The following PIWIL1 variants were observed in gnomAD, a reference collection of about 807,000 sequenced individuals.
PIWIL1 encodes the protein piwi-like protein 1.
Under a neutral mutation model 114.4 loss-of-function variants are expected in PIWIL1, and 73 were observed. The ratio of observed to expected loss-of-function variants is 0.64; its 90% CI spans 0.53 to 0.78. The LOEUF (loss-of-function observed/expected upper bound fraction) is 0.78, where lower values mean the gene tolerates loss of function less well. Among genes scored for constraint, PIWIL1 ranks in the 30% least tolerant of loss-of-function variants. The pLI is 0.00. For synonymous variants in PIWIL1, 375 were observed against 369.0 expected, an observed-to-expected ratio of 1.02 and a Z score of -0.19; for missense variants, 723 against 1,063.1, an observed-to-expected ratio of 0.68 and a Z score of 4.45.
the PIWIL1 span, chr12:130,383,501 T>C: frequency 6.6e-6 from 1 of 152,196 alleles, no homozygotes; most frequent in Non-Finnish European, 1.5e-5. Flanking sequence ...CTGACTTCCC[T>C]CTAATATAAT....
At chr12:130,377,279 G>A (rs560030630), downstream of PIWIL1, among the ~76,000 whole-genome samples, 2 of 152,272 alleles carry the variant, frequency 1.3e-5, no homozygotes, top group Admixed American at 6.5e-5. Flanking sequence ...AACTAGTGCC[G>A]CCCATAATTC....
chr12:130,363,666 G>A (rs1328627985), intron 18 of PIWIL1, among the ~76,000 whole-genome samples: 1 of 137,906 alleles, frequency 7.3e-6, no homozygotes, highest in Non-Finnish European at 1.5e-5. Context: ...TGCCCAGGCT[G>A]CAGTGCAGTG....
chr12:130,349,534 T>C (rs1360340351), intron 8 of PIWIL1, 98 bp downstream of exon 8: 23 of 820,582 alleles, frequency 2.8e-5, no homozygotes, highest in Non-Finnish European at 4.1e-5. Context: ...TAAAATTGAG[T>C]GGTGGGAATA....
the PIWIL1 span, among the ~76,000 whole-genome samples, chr12:130,402,412 G>C: frequency 1.4e-4 from 21 of 152,072 alleles, no homozygotes; most frequent in Non-Finnish European, 1.0e-4. Flanking sequence ...ATCATCTTGA[G>C]TCTGCCTTCC....
chr12:130,342,646 G>A lies in PIWIL1; in HGVS notation c.55G>A (p.Ala19Thr). 1 of 1,613,728 alleles carries A rather than the reference G, an allele frequency of 6.2e-7. No individual in the cohort carries two copies. The highest frequency in any genetic ancestry group is 8.5e-7 in the Non-Finnish European group (1 of 1,179,710). Residue 19 changes from alanine to threonine, a missense_variant, in exon 2 of 21, where the codon GCG (alanine) becomes ACG (threonine). Around this residue, in one of 8 missense-constraint regions of PIWIL1, gnomAD observed 91 missense variants for 76.2 expected, o/e 1.19. Coordinates refer to ENST00000245255, the MANE Select transcript of PIWIL1 (RefSeq NM_004764.5). ...AGGAAGGGCCCGCGGTCAGGAGACA[G>A]CGCAGCTGGTGGGCTCCACTGCCGT... ...ARGRARGQET[A>T]QLVGSTASQQ...
At chr12:130,352,936 C>T (rs567223407) in intron 9 of PIWIL1, among the ~76,000 whole-genome samples, 29 of 152,264 alleles carry the variant, frequency 1.9e-4, no homozygotes, top group African/African-American at 7.0e-4. Flanking sequence ...CTACGTGAAG[C>T]AGAGGTCAGA....
the PIWIL1 span, chr12:130,399,876 G>A: frequency 6.4e-7 from 1 of 1,574,684 alleles, no homozygotes; most frequent in Non-Finnish European, 8.7e-7. Flanking sequence ...ATCTTGCTTT[G>A]GCTAAAGGAA....
intron 7 of PIWIL1, 107 bp downstream of exon 7, chr12:130,348,290 G>A (rs914562573): frequency 6.0e-5 from 37 of 613,182 alleles, no homozygotes; most frequent in African/African-American, 1.7e-4. Context: ...TGTTAATGCC[G>A]CCCATCACAT....
chr12:130,369,687 T>A (rs1023778300), intron 19 of PIWIL1, among the ~76,000 whole-genome samples: 12 of 152,368 alleles, frequency 7.9e-5, no homozygotes, highest in African/African-American at 2.9e-4. Context: ...CACATAAATT[T>A]CTTCTTTTGA....
chr12:130,339,016 G>A (rs1044489236), intron 1 of PIWIL1, among the ~76,000 whole-genome samples: 16 of 151,960 alleles, frequency 1.1e-4, no homozygotes, highest in Admixed American at 9.2e-4. Context: ...GAGGGCCTTC[G>A]GGACCTCCCG....
chr12:130,358,745 A>T (rs1228377486), intron 14 of PIWIL1, among the ~76,000 whole-genome samples: 1 of 152,154 alleles, frequency 6.6e-6, no homozygotes, highest in Admixed American at 6.5e-5. Context: ...CTGTTTGTCC[A>T]GCTTTCTATA....
At chr12:130,362,347 G>C (rs1375224556) in intron 16 of PIWIL1, among the ~76,000 whole-genome samples, 1 of 152,196 alleles carries the variant, frequency 6.6e-6, no homozygotes, top group African/African-American at 2.4e-5. Flanking sequence ...TCCTGCATTA[G>C]TTTGCTAGAG....
At chr12:130,356,216 T>A (rs910399482) in intron 12 of PIWIL1, among the ~76,000 whole-genome samples, 1 of 152,152 alleles carries the variant, frequency 6.6e-6, no homozygotes, top group Non-Finnish European at 1.5e-5. Context: ...TGTTTCATTT[T>A]CAGAAAAGGA....
rs749238430 is a variant in PIWIL1, at chr12:130,348,190, A to G, written c.734+7A>G. 49 of 1,529,414 alleles carry G rather than the reference A, an allele frequency of 3.2e-5. No individual in the cohort carries two copies. The highest frequency in any genetic ancestry group is 3.8e-5 in the Non-Finnish European group (42 of 1,105,106). The allele number at this position is 1,529,414 out of a possible 1,614,324, so 94.7% of individuals were successfully genotyped here. On this transcript the variant is annotated splice_region_variant and intron_variant, in intron 7 of 20. Transcript: ENST00000245255. ...TTGATATTCCAAGTCACAGGTTTGT[A>G]TGAAGTAGAACGTTTAATATTCCTT...
At chr12:130,422,507 G>C in the PIWIL1 span, 1 of 1,613,100 alleles carries the variant, frequency 6.2e-7, no homozygotes, top group Non-Finnish European at 8.5e-7. This position sits in a 1 kb window ranked among gnomAD's most constrained non-coding sequence, Gnocchi z 5.2. Flanking sequence ...CTGCCACGGG[G>C]AAACCTCCGG....
the PIWIL1 span, among the ~76,000 whole-genome samples, chr12:130,410,328 T>C: frequency 6.6e-6 from 1 of 152,252 alleles, no homozygotes; most frequent in East Asian, 1.9e-4. Flanking sequence ...TGCCAGCCTG[T>C]GGCTTTTTAT....
At chr12:130,396,748 G>C in the PIWIL1 span, 1 of 152,626 alleles carries the variant, frequency 6.6e-6, no homozygotes, top group Non-Finnish European at 1.5e-5. Context: ...CATTTTCTGT[G>C]TGTAGCCTGG....
At chr12:130,390,612 A>G in the PIWIL1 span, among the ~76,000 whole-genome samples, 1 of 152,160 alleles carries the variant, frequency 6.6e-6, no homozygotes, top group Non-Finnish European at 1.5e-5. Flanking sequence ...AATGGGTACC[A>G]GTTATACTCT....
At chr12:130,407,707 T>G in the PIWIL1 span, 1 of 1,590,010 alleles carries the variant, frequency 6.3e-7, no homozygotes, top group Admixed American at 1.7e-5. Context: ...CGTCATGAAG[T>G]GCAGTGTTTG....
Sources: gnomAD v4.1 joint callset for allele counts (sites outside exome capture counted in the v4.1 genomes callset) on GRCh38, gnomAD v4.1.1 for gene constraint, gnomAD v4.1.1 regional missense constraint, Gnocchi (gnomAD v3.1) non-coding constraint, MANE v1.5 for transcripts, NCBI Gene and HGNC (gene_info 2026-07-23, HGNC 2026-07-21) for gene names.